Variants in SLC25A24 observed in about 807,000 individuals in gnomAD.
SLC25A24 encodes the protein mitochondrial adenyl nucleotide antiporter SLC25A24.
Under a neutral mutation model 60.7 loss-of-function variants are expected in SLC25A24, and 49 were observed. That is an observed-to-expected ratio of 0.81 (90% CI 0.64 to 1.02). The LOEUF (loss-of-function observed/expected upper bound fraction) is 1.02, where lower values mean the gene tolerates loss of function less well. SLC25A24 is among the 50% of genes least tolerant of loss of function. The probability of loss-of-function intolerance (pLI) is 0.00; values close to 1 mark genes in which losing one functional copy is unlikely to be tolerated. For missense variants in SLC25A24, 564 were observed against 586.3 expected, an observed-to-expected ratio of 0.96 and a Z score of 0.39; for synonymous variants, 202 against 200.6, an observed-to-expected ratio of 1.01 and a Z score of -0.06.
intron 1 of SLC25A24, among the ~76,000 whole-genome samples, chr1:108,194,275 G>A (rs1288223578): frequency 7.2e-6 from 1 of 138,198 alleles, no homozygotes; most frequent in African/African-American, 2.5e-5. Flanking sequence ...CTGCTGAGCA[G>A]TGGCAAATGT....
intron 7 of SLC25A24, among the ~76,000 whole-genome samples, chr1:108,148,014 T>C (rs1679653543): frequency 6.6e-6 from 1 of 152,068 alleles, no homozygotes; most frequent in Non-Finnish European, 1.5e-5. Flanking sequence ...TTCCAGCCAA[T>C]AGCCAGTGAG....
chr1:108,140,006 G>A (rs572394291), intron 8 of SLC25A24, among the ~76,000 whole-genome samples: 1 of 152,124 alleles, frequency 6.6e-6, no homozygotes, highest in Non-Finnish European at 1.5e-5. Flanking sequence ...TCATTAGAAG[G>A]CAATAATTAG....
At chr1:108,169,746 G>A (rs933119551) in intron 3 of SLC25A24, among the ~76,000 whole-genome samples, 6 of 152,104 alleles carry the variant, frequency 3.9e-5, no homozygotes, top group African/African-American at 1.4e-4. Flanking sequence ...CTCTTCAATT[G>A]CTTAGGTACT....
In SLC25A24 at chr1:108,139,141, A is replaced by T; in HGVS notation, c.1166T>A (p.Leu389Gln). 1.9e-6 allele frequency: 3 copies of T among 1,611,844 alleles called. No individual in the cohort carries two copies. Among genetic ancestry groups the T allele is most frequent in the Non-Finnish European group, 2.5e-6 (3 of 1,178,958 alleles). Residue 389 changes from leucine (L) to glutamine (Q), a missense_variant, in exon 9 of 10, where the codon CTG becomes CAG. Coordinates refer to ENST00000565488, the MANE Select transcript of SLC25A24 (RefSeq NM_013386.5). ...DSVNPGVMVL[L>Q]GCGALSSTCG... ...GGTGCTGGATAAGGCACCGCATCCC[A>T]GCAACACCATGACTCCAGGGTTTAC...
chr1:108,190,449 T>C (rs1648308498), intron 1 of SLC25A24, among the ~76,000 whole-genome samples: 1 of 152,196 alleles, frequency 6.6e-6, no homozygotes, highest in Non-Finnish European at 1.5e-5. Context: ...CCTATAAGTC[T>C]GACATAACAG....
At chr1:108,198,286 A>G (rs566218282) in intron 1 of SLC25A24, among the ~76,000 whole-genome samples, 5 of 152,354 alleles carry the variant, frequency 3.3e-5, no homozygotes, top group African/African-American at 1.2e-4. Context: ...GAGACTTTAC[A>G]AAGACTGATA....
chr1:108,188,230 G>A (rs1366727007), intron 1 of SLC25A24, among the ~76,000 whole-genome samples: 6 of 151,892 alleles, frequency 4.0e-5, no homozygotes, highest in South Asian at 2.1e-4. Context: ...CTACAAGAAC[G>A]GGGAGGGAAT....
At chr1:108,175,962 C>T (rs1285241858) in intron 3 of SLC25A24, among the ~76,000 whole-genome samples, 1 of 152,054 alleles carries the variant, frequency 6.6e-6, no homozygotes. Context: ...CAGATGTAAA[C>T]ACAAGGCCAC....
intron 4 of SLC25A24, among the ~76,000 whole-genome samples, chr1:108,160,842 C>T (rs889609932): frequency 6.6e-6 from 1 of 152,134 alleles, no homozygotes; most frequent in African/African-American, 2.4e-5. Context: ...CGCAGGCACT[C>T]GGCAGGCTGA....
At chr1:108,167,785 G>A (rs1296354842) in intron 3 of SLC25A24, among the ~76,000 whole-genome samples, 1 of 152,186 alleles carries the variant, frequency 6.6e-6, no homozygotes, top group Non-Finnish European at 1.5e-5. Flanking sequence ...GTAGACCAGA[G>A]CTGTTCCTAT....
chr1:108,179,665 CAT>C (rs1237737455), intron 3 of SLC25A24, among the ~76,000 whole-genome samples: 1 of 152,144 alleles, frequency 6.6e-6, no homozygotes, highest in Non-Finnish European at 1.5e-5. Context: ...TGATCTCACT[CAT>C]GTGGAATCAG....
At position 108,148,297 on chromosome 1, in the gene SLC25A24, A is replaced by T; in HGVS notation, c.912T>A (p.Thr304=). 1 of 1,607,308 alleles carries T rather than the reference A, an allele frequency of 6.2e-7. No individual in the cohort carries two copies. Among genetic ancestry groups the T allele is most frequent in the Non-Finnish European group, 8.5e-7 (1 of 1,173,766 alleles). Residue 304 remains threonine (T), a synonymous_variant, in exon 7 of 10, where the codon ACT becomes ACA. Transcript: ENST00000565488. ...SGSMAGATAQ[T]FIYPMEVMKT... ...TACTCACCTCCATTGGATATATAAAAGTCTGTGCAGTTGCTCCAGCCATGG... is the reference window on the plus strand; with the variant it reads ...TACTCACCTCCATTGGATATATAAATGTCTGTGCAGTTGCTCCAGCCATGG...
chr1:108,162,003 G>T (rs1680100704), intron 3 of SLC25A24, among the ~76,000 whole-genome samples: 1 of 139,128 alleles, frequency 7.2e-6, no homozygotes, highest in African/African-American at 2.7e-5. Flanking sequence ...GTGTCCATGT[G>T]TTCTCACTGT....
intron 1 of SLC25A24, chr1:108,199,415 C>A (rs1375095427): frequency 6.4e-6 from 1 of 155,702 alleles, no homozygotes; most frequent in African/African-American, 2.4e-5. Flanking sequence ...AGGGCATTAA[C>A]CTAGGAATGT....
chr1:108,184,292 C>T (rs1160495285), intron 2 of SLC25A24, among the ~76,000 whole-genome samples: 1 of 152,204 alleles, frequency 6.6e-6, no homozygotes, highest in Non-Finnish European at 1.5e-5. Context: ...CCTGCCATAG[C>T]AGCACACAGA....
chr1:108,144,644 T>C (rs1453541452), intron 7 of SLC25A24, among the ~76,000 whole-genome samples: 1 of 152,178 alleles, frequency 6.6e-6, no homozygotes, highest in Non-Finnish European at 1.5e-5. Flanking sequence ...TGTATTCTCA[T>C]TGTTCAACTC....
intron 3 of SLC25A24, among the ~76,000 whole-genome samples, chr1:108,168,731 C>A (rs900189978): frequency 6.6e-6 from 1 of 152,140 alleles, no homozygotes; most frequent in Non-Finnish European, 1.5e-5. Context: ...TTCTTTATAT[C>A]ATTCATTCTA....
chr1:108,174,515 A>T (rs1223007816), intron 3 of SLC25A24, among the ~76,000 whole-genome samples: 1 of 152,212 alleles, frequency 6.6e-6, no homozygotes, highest in African/African-American at 2.4e-5. Context: ...AGGGCAGTGC[A>T]AAAGGGAAAT....
Position 108,161,230 on chromosome 1 carries a change from A to C in SLC25A24, c.462T>G (p.Asn154Lys), listed in dbSNP as rs149281325. Residue 154 changes from asparagine (N) to lysine (K), a missense_variant, in exon 4 of 10, where the codon AAT becomes AAG. By Grantham distance (94) the Asn-to-Lys change is moderately conservative (BLOSUM62 0). Coordinates refer to ENST00000565488, the MANE Select transcript of SLC25A24 (RefSeq NM_013386.5). ...TAATTTCCTCAATGTCTGTAACAGG[A>C]TTAAATAAGAAGTAGTCTCTCCATT... is the stretch of plus-strand genomic sequence containing the variant. ...WNEWRDYFLF[N>K]PVTDIEEIIR... The C allele has an allele frequency of 2.9e-5, 46 of 1,603,120 alleles. No individual in the cohort carries two copies. Among genetic ancestry groups the C allele is most frequent in the African/African-American group, 5.4e-5 (4 of 74,720 alleles).
Sources: gnomAD v4.1 joint callset for allele counts (sites outside exome capture counted in the v4.1 genomes callset) on GRCh38, gnomAD v4.1.1 for gene constraint, MANE v1.5 for transcripts, NCBI Gene and HGNC (gene_info 2026-07-23, HGNC 2026-07-21) for gene names.